MARCHF11: variants seen among roughly 807,000 people sequenced by gnomAD.
MARCHF11 encodes E3 ubiquitin-protein ligase MARCHF11.
MARCHF11 carries 29 observed loss-of-function variants against 37.3 expected under a neutral mutation model. The observed-to-expected ratio is 0.78, with a 90% CI of 0.58 to 1.06. The LOEUF is 1.06. Among genes scored for constraint, MARCHF11 ranks in the 50% least tolerant of loss-of-function variants. The probability of loss-of-function intolerance (pLI) is 0.00; values close to 1 mark genes in which losing one functional copy is unlikely to be tolerated. For synonymous variants in MARCHF11, 233 were observed against 228.0 expected, an observed-to-expected ratio of 1.02 and a Z score of -0.20; for missense variants, 482 against 533.4, an observed-to-expected ratio of 0.90 and a Z score of 0.95.
chr5:16,082,287 A>G (rs1736624469), intron 3 of MARCHF11, among the ~76,000 whole-genome samples: 1 of 152,236 alleles, frequency 6.6e-6, no homozygotes, highest in Non-Finnish European at 1.5e-5. Context: ...AAGCTGAGGC[A>G]TTTCCTGGGG....
intron 2 of MARCHF11, among the ~76,000 whole-genome samples, chr5:16,159,118 T>C (rs1677129550): frequency 1.3e-5 from 2 of 151,874 alleles, no homozygotes. Flanking sequence ...AAGTAACTAT[T>C]TAAAAAAAAC....
chr5:16,093,053 T>C (rs952564907), intron 2 of MARCHF11, among the ~76,000 whole-genome samples: 1 of 152,206 alleles, frequency 6.6e-6, no homozygotes, highest in African/African-American at 2.4e-5. Context: ...GGCGCTACCA[T>C]GTCTATACAC....
In MARCHF11 at chr5:16,179,606, C is replaced by A. The variant is rs1429175603; in HGVS notation, c.-31G>T. On this transcript the variant is annotated 5_prime_UTR_variant, in exon 1 of 4. Coordinates refer to ENST00000332432, the MANE Select transcript of MARCHF11 (RefSeq NM_001102562.3). The stretch of plus-strand genomic sequence containing the variant: ...TGCCGCCGCCGCCCTCCTGCCGGCC[C>A]GGCTGGCGGGCCGGGCTCTGGCTGC... The A allele has an allele frequency of 4.8e-6, 5 of 1,048,536 alleles. No individual in the cohort carries two copies. The Admixed American group carries it at 1.7e-4, about 36-fold the overall frequency. The allele number at this position is 1,048,536 out of a possible 1,614,324, so 65.0% of individuals were successfully genotyped here.
chr5:16,091,138 AAAAAC>A, intron 2 of MARCHF11, 57 bp from the exon 3 acceptor site: 1 of 1,360,094 alleles, frequency 7.4e-7, no homozygotes, highest in South Asian at 1.6e-5. Flanking sequence ...AAAAAGAAAA[AAAAAC>A]ATTTTCAGTC....
intron 2 of MARCHF11, among the ~76,000 whole-genome samples, chr5:16,138,882 G>T (rs1047078482): frequency 6.6e-6 from 1 of 152,166 alleles, no homozygotes; most frequent in Non-Finnish European, 1.5e-5. Flanking sequence ...CTCCCATTTG[G>T]AACAGGTGTA....
At chr5:16,080,814 C>T (rs1736597006) in intron 3 of MARCHF11, among the ~76,000 whole-genome samples, 3 of 152,022 alleles carry the variant, frequency 2.0e-5, no homozygotes, top group African/African-American at 7.2e-5. Context: ...CTTTTTCATC[C>T]CTACTCTCCT....
intron 2 of MARCHF11, among the ~76,000 whole-genome samples, chr5:16,104,991 G>A (rs2126566040): frequency 6.6e-6 from 1 of 152,300 alleles, no homozygotes; most frequent in South Asian, 2.1e-4. Flanking sequence ...TCACATAGCT[G>A]TAACTTTTCT....
chr5:16,070,044 G>A (rs891484689), intron 3 of MARCHF11, among the ~76,000 whole-genome samples: 5 of 152,120 alleles, frequency 3.3e-5, no homozygotes, highest in Admixed American at 6.6e-5. Context: ...CCAAAATAAT[G>A]AGAAATGTAA....
At chr5:16,094,389 T>C (rs1399532086) in intron 2 of MARCHF11, among the ~76,000 whole-genome samples, 1 of 152,184 alleles carries the variant, frequency 6.6e-6, no homozygotes, top group Admixed American at 6.5e-5. Flanking sequence ...CCCAATGTTA[T>C]ATCCATAAGT....
Position 16,179,116 on chromosome 5 carries a change from C to T in MARCHF11, c.460G>A (p.Gly154Ser). 1 of 1,492,384 alleles carries T rather than the reference C, an allele frequency of 6.7e-7. No individual in the cohort carries two copies. Among genetic ancestry groups the T allele is most frequent in the Non-Finnish European group, 8.9e-7 (1 of 1,127,920 alleles). The allele number at this position is 1,492,384 out of a possible 1,614,324, so 92.4% of individuals were successfully genotyped here. Residue 154 changes from glycine (G) to serine (S), a missense_variant, in exon 1 of 4, where the codon GGC (glycine) becomes AGC (serine). Transcript: ENST00000332432. ...TGGTGCCCAGCGCGCTGGTCGCCGC[C>T]GCCACTGCTGCTGCTGCGGCTGCTG... ...VCSSRSSSSGGGDQRAGHQHQ... is the reference protein window; with the variant it reads ...VCSSRSSSSGSGDQRAGHQHQ...
At chr5:16,120,536 C>A (rs1737293119) in intron 2 of MARCHF11, among the ~76,000 whole-genome samples, 1 of 152,246 alleles carries the variant, frequency 6.6e-6, no homozygotes, top group Non-Finnish European at 1.5e-5. Flanking sequence ...CTTATATTTA[C>A]AATGGATATT....
chr5:16,112,282 T>C (rs111883711), intron 2 of MARCHF11, among the ~76,000 whole-genome samples: 3,771 of 152,190 alleles, frequency 0.025, 174 homozygotes, highest in African/African-American at 0.086. Context: ...CACCAGCCCA[T>C]GACAGCAGTC....
intron 2 of MARCHF11, among the ~76,000 whole-genome samples, chr5:16,111,915 TG>T (rs998644810): frequency 6.6e-6 from 1 of 152,170 alleles, no homozygotes; most frequent in African/African-American, 2.4e-5. Flanking sequence ...AGGTACAGCT[TG>T]GGCCATGGCT....
intron 3 of MARCHF11, among the ~76,000 whole-genome samples, chr5:16,089,968 G>A (rs953285412): frequency 2.0e-5 from 3 of 152,120 alleles, no homozygotes; most frequent in African/African-American, 2.4e-5. Context: ...GCATCCATCC[G>A]CTGAAGCTGG....
At chr5:16,168,874 A>C (rs975515915) in intron 2 of MARCHF11, among the ~76,000 whole-genome samples, 3 of 152,144 alleles carry the variant, frequency 2.0e-5, no homozygotes, top group Admixed American at 1.3e-4. Context: ...AAAATAGGGC[A>C]CTTGTATACA....
At chr5:16,104,995 C>T (rs888537158) in intron 2 of MARCHF11, among the ~76,000 whole-genome samples, 1 of 152,196 alleles carries the variant, frequency 6.6e-6, no homozygotes, top group Non-Finnish European at 1.5e-5. Flanking sequence ...ATAGCTGTAA[C>T]TTTTCTTCAA....
chr5:16,154,759 T>C (rs1737939277), intron 2 of MARCHF11, among the ~76,000 whole-genome samples: 1 of 151,952 alleles, frequency 6.6e-6, no homozygotes. Context: ...ACCTCACTAG[T>C]AATCAGGGAA....
intron 2 of MARCHF11, among the ~76,000 whole-genome samples, chr5:16,102,559 C>T (rs1423329627): frequency 6.6e-6 from 1 of 152,146 alleles, no homozygotes; most frequent in Admixed American, 6.5e-5. Context: ...GAGACTATGG[C>T]CAGAGGAGAG....
chr5:16,149,509 A>G (rs1334011200), intron 2 of MARCHF11, among the ~76,000 whole-genome samples: 1 of 152,116 alleles, frequency 6.6e-6, no homozygotes, highest in Non-Finnish European at 1.5e-5. Context: ...ATACACACAT[A>G]TACCCTAAGA....
Sources: allele counts gnomAD v4.1 joint callset (sites outside exome capture counted in the v4.1 genomes callset), GRCh38; gene constraint gnomAD v4.1.1; transcripts MANE v1.5; gene names NCBI Gene and HGNC (gene_info 2026-07-23, HGNC 2026-07-21).